RAPSN: variants seen among roughly 807,000 people sequenced by gnomAD.
The protein encoded by RAPSN is 43 kDa receptor-associated protein of the synapse.
In RAPSN, 33 loss-of-function variants were observed where a neutral mutation model predicts 45.7. That is an observed-to-expected ratio of 0.72 (90% CI 0.55 to 0.97). RAPSN has a LOEUF of 0.97. Among genes scored for constraint, RAPSN ranks in the 50% least tolerant of loss-of-function variants. The pLI, the probability that RAPSN is intolerant of heterozygous loss-of-function variation, is 0.00. For missense variants in RAPSN, 519 were observed against 559.4 expected (o/e 0.93, Z 0.73); for synonymous variants, 244 against 233.6 (o/e 1.04, Z -0.40).
chr11:47,440,376 C>T (rs767859435), intron 6 of RAPSN, among the ~76,000 whole-genome samples: 4 of 152,214 alleles, frequency 2.6e-5, no homozygotes, highest in Non-Finnish European at 5.9e-5. Flanking sequence ...CTCCTGGGCT[C>T]AAGCTATCCT....
rs2076327626 is a variant in RAPSN at position 47,438,050 on chromosome 11, G to C, written c.1167-3C>G. ...GGGTCCCGTTGTTCTGCAGGCACCT[G>C]GGGAGGCAAAGGGCCCTGTCCACTC... is the stretch of plus-strand genomic sequence containing the variant. On this transcript the variant is annotated splice_region_variant and splice_polypyrimidine_tract_variant and intron_variant, in intron 7 of 7. Transcript: ENST00000298854. 1 of 1,549,732 alleles carries C rather than the reference G, an allele frequency of 6.5e-7. No homozygotes were observed. Among genetic ancestry groups the C allele is most frequent in the African/African-American group, 1.4e-5 (1 of 73,096 alleles).
At chr11:47,442,287 G>A (rs1180466406) in intron 3 of RAPSN, among the ~76,000 whole-genome samples, 1 of 152,200 alleles carries the variant, frequency 6.6e-6, no homozygotes, top group African/African-American at 2.4e-5. Flanking sequence ...TGGATTGGAA[G>A]GGAGTGGGTT....
chr11:47,444,556 A>G (rs1262553390), intron 2 of RAPSN, among the ~76,000 whole-genome samples: 1 of 151,696 alleles, frequency 6.6e-6, no homozygotes, highest in Non-Finnish European at 1.5e-5. Flanking sequence ...AACAAAAACA[A>G]AAACAAAAAC....
chr11:47,448,232 TG>T lies in RAPSN; in HGVS notation c.193-83del. ...CCAGCCTGCACTGCAGGCTCAGACC[TG>T]GAGGCCCCACACCCACCCCCCAGCC... is the stretch of plus-strand genomic sequence containing the variant. On this transcript the variant is annotated intron_variant, in intron 1 of 7. Transcript: ENST00000298854. 2.1e-6 allele frequency: 3 copies of T among 1,447,106 alleles called. No homozygotes were observed. In the South Asian group the frequency reaches 3.5e-5, roughly 17 times the overall value. 89.6% of individuals were successfully genotyped at this position (1,447,106 alleles called of 1,614,324 possible).
chr11:47,444,096 A>C (rs1219965879), intron 2 of RAPSN, among the ~76,000 whole-genome samples: 1 of 152,120 alleles, frequency 6.6e-6, no homozygotes, highest in African/African-American at 2.4e-5. Flanking sequence ...ATATTTAACA[A>C]GCAGCTCCAA....
At chr11:47,438,953 A>C (rs2076339032) in intron 6 of RAPSN, 22 bp from the exon 7 acceptor site, 2 of 1,550,396 alleles carry the variant, frequency 1.3e-6, no homozygotes, top group African/African-American at 1.4e-5. Context: ...AGGAGTGGAG[A>C]GCGCCAGTGG....
chr11:47,438,384 C>T (rs2076331029), intron 7 of RAPSN: 2 of 570,174 alleles, frequency 3.5e-6, no homozygotes, highest in Admixed American at 3.0e-5. Flanking sequence ...AGAATGGCCA[C>T]AGATCTCAGC....
chr11:47,438,330 G>A (rs1349407493), intron 7 of RAPSN, among the ~76,000 whole-genome samples: 1 of 152,102 alleles, frequency 6.6e-6, no homozygotes, highest in Non-Finnish European at 1.5e-5. Context: ...CCGACCTAAT[G>A]ACCTTTGAGG....
chr11:47,443,188 G>A (rs1268192889), intron 2 of RAPSN, among the ~76,000 whole-genome samples: 1 of 152,206 alleles, frequency 6.6e-6, no homozygotes, highest in Non-Finnish European at 1.5e-5. Context: ...AGGGATGGGA[G>A]ATACCAGATC....
Position 47,447,959 on chromosome 11 carries a change from G to A in RAPSN, c.384C>T (p.Ser128=), listed in dbSNP as rs1231109618. 1 of 1,613,802 alleles carries A rather than the reference G, an allele frequency of 6.2e-7. No individual in the cohort carries two copies. Among genetic ancestry groups the A allele is most frequent in the Non-Finnish European group, 8.5e-7 (1 of 1,179,968 alleles). Reference sequence around the variant, plus strand: ...TGAGGCCCAGGAAGGCATTGCCCATGCTCAGGCTGACCTGGCCTCCGAGCT... The same window carrying A: ...TGAGGCCCAGGAAGGCATTGCCCATACTCAGGCTGACCTGGCCTCCGAGCT... The part of the protein sequence containing the change: ...GAQLGGQVSL[S]MGNAFLGLSV... The change falls in exon 2 of 8, where the codon AGC becomes AGT. Residue 128 remains serine (S), a synonymous_variant. Transcript: ENST00000298854.
chr11:47,437,959 C>T lies in RAPSN; in HGVS notation c.*16G>A, dbSNP rs886048386. 2.3e-5 allele frequency: 36 copies of T among 1,550,782 alleles called. No individual in the cohort carries two copies. The highest frequency in any genetic ancestry group is 4.9e-5 in the East Asian group (2 of 40,920). On this transcript the variant is annotated 3_prime_UTR_variant, in exon 8 of 8. Transcript: ENST00000298854. ...GCAGGAGTGGCGAGGAGGAAGCCCA[C>T]GCCTGCTGCCAGGAGTCATACAAAG...
Position 47,447,869 on chromosome 11 carries a change from G to A in RAPSN, c.474C>T (p.Asp158=), listed in dbSNP as rs56245238. 1.2e-3 allele frequency: 1,975 copies of A among 1,613,500 alleles called. 1 individual carries two copies. The highest frequency in any genetic ancestry group is 1.4e-3 in the Non-Finnish European group (1,694 of 1,179,874). Reference sequence around the variant, plus strand: ...AGCACACGCGGCACTCGAGCATGGCGTCATCATTGTTGTGGGCATAGCGCA... The same window carrying A: ...AGCACACGCGGCACTCGAGCATGGCATCATCATTGTTGTGGGCATAGCGCA... ...KALRYAHNND[D]AMLECRVCCS... is the part of the protein sequence containing the mutation. The change falls in exon 2 of 8, where the codon GAC becomes GAT. Residue 158 remains aspartate, a synonymous_variant. Transcript: ENST00000298854.
At chr11:47,441,531 C>T in intron 5 of RAPSN, 80 bp downstream of exon 5, 2 of 1,590,436 alleles carry the variant, frequency 1.3e-6, no homozygotes, top group East Asian at 4.5e-5. Context: ...GACAAAGTGG[C>T]TGAAAGAGCC....
chr11:47,442,259 A>C (rs2076371517), intron 3 of RAPSN, among the ~76,000 whole-genome samples: 1 of 152,134 alleles, frequency 6.6e-6, no homozygotes, highest in Non-Finnish European at 1.5e-5. Flanking sequence ...GGCAGAAGGA[A>C]GCCCCCTCCC....
At chr11:47,444,504 A>G (rs911235015) in intron 2 of RAPSN, among the ~76,000 whole-genome samples, 2 of 152,000 alleles carry the variant, frequency 1.3e-5, no homozygotes, top group African/African-American at 4.8e-5. Flanking sequence ...GAGCCACTGC[A>G]CTCCATCCTG....
At chr11:47,446,940 G>A (rs2076410789) in intron 2 of RAPSN, among the ~76,000 whole-genome samples, 1 of 152,138 alleles carries the variant, frequency 6.6e-6, no homozygotes, top group Admixed American at 6.6e-5. Context: ...ATCAGAACCT[G>A]CTGTGGCTGA....
intron 1 of RAPSN, among the ~76,000 whole-genome samples, chr11:47,448,528 C>T (rs1357105508): frequency 6.6e-6 from 1 of 152,094 alleles, no homozygotes; most frequent in African/African-American, 2.4e-5. Flanking sequence ...AACCCTCGAC[C>T]CTGAGGCTGG....
At position 47,447,896 on chromosome 11, in the gene RAPSN, G is replaced by A. The variant is rs2153311191; in HGVS notation, c.447C>T (p.Ala149=). 6.2e-7 allele frequency: 1 copy of A among 1,613,242 alleles called. No individual in the cohort carries two copies. Residue 149 remains alanine, a synonymous_variant, in exon 2 of 8, where the codon GCC becomes GCT. Coordinates refer to ENST00000298854, the MANE Select transcript of RAPSN (RefSeq NM_005055.5). The part of the protein sequence containing the change: ...FQKALESFEK[A]LRYAHNNDDA... Reference sequence around the variant, plus strand: ...CATCATTGTTGTGGGCATAGCGCAGGGCCTTCTCGAAGCTCTCCAGGGCCT... The same window carrying A: ...CATCATTGTTGTGGGCATAGCGCAGAGCCTTCTCGAAGCTCTCCAGGGCCT...
intron 6 of RAPSN, 89 bp from the exon 7 acceptor site, chr11:47,439,020 G>A (rs2076339867): frequency 2.9e-6 from 4 of 1,401,546 alleles, no homozygotes; most frequent in Non-Finnish European, 3.9e-6. Flanking sequence ...TCCCTGTCTT[G>A]CTGATGGACC....
Sources: gnomAD v4.1 joint callset for allele counts (sites outside exome capture counted in the v4.1 genomes callset) on GRCh38, gnomAD v4.1.1 for gene constraint, MANE v1.5 for transcripts, NCBI Gene and HGNC (gene_info 2026-07-23, HGNC 2026-07-21) for gene names.